Variants in KCNK6 observed in about 807,000 individuals in gnomAD.
KCNK6 encodes potassium two pore domain channel subfamily K member 6.
In KCNK6, 20 loss-of-function variants were observed where a neutral mutation model predicts 21.9. The observed-to-expected ratio is 0.91, with a 90% confidence interval of 0.64 to 1.32. The LOEUF is 1.32. KCNK6 is among the 40% of genes most tolerant of loss of function. KCNK6 has a pLI of 0.00. For missense variants in KCNK6, 415 were observed against 433.1 expected, an observed-to-expected ratio of 0.96 and a Z score of 0.37; for synonymous variants, 210 against 218.0, an observed-to-expected ratio of 0.96 and a Z score of 0.32.
Position 38,325,424 on chromosome 19 carries a change from GC to G in KCNK6, c.323-1166del, listed in dbSNP as rs1969697889. 2.5e-5 allele frequency: 25 copies of G among 985,378 alleles called. No homozygotes were observed. In the South Asian group the frequency reaches 9.9e-4, roughly 39 times the overall value. 61.0% of individuals were successfully genotyped at this position (985,378 alleles called of 1,614,324 possible). A position where few individuals can be genotyped will look rare whatever the true frequency, so the allele number is the denominator to read the frequency against. On this transcript the variant is annotated intron_variant, in intron 1 of 2. Coordinates refer to ENST00000263372, the MANE Select transcript of KCNK6 (RefSeq NM_004823.3). The stretch of plus-strand genomic sequence containing the variant: ...GCCACCACGCCTGGCCCATTGTCTC[GC>G]CCATTTTAGAATAGGGCAAGCTGAG...
Position 38,331,626 on chromosome 19 carries a change from GAAAAAAA to G in KCNK6, c.*4231_*4237del, listed in dbSNP as rs368082959. On this transcript the variant is annotated 3_prime_UTR_variant, in exon 3 of 3. Transcript: ENST00000263372. ...GGAGACAGAGCGAGACTCCGTCTCA[GAAAAAAA>G]AAAAAAAGAAAAAAGTGTGTGCTAA... is the stretch of plus-strand genomic sequence containing the variant. The G allele has an allele frequency of 7.8e-6, 1 of 128,530 alleles. No individual in the cohort carries two copies. The highest frequency in any genetic ancestry group is 1.7e-5 in the Non-Finnish European group (1 of 59,758). 8.0% of individuals were successfully genotyped at this position (128,530 alleles called of 1,614,324 possible). A position where few individuals can be genotyped will look rare whatever the true frequency, so the allele number is the denominator to read the frequency against.
intron 1 of KCNK6, among the ~76,000 whole-genome samples, chr19:38,323,178 T>C (rs1969671069): frequency 6.6e-6 from 1 of 152,138 alleles, no homozygotes; most frequent in South Asian, 2.1e-4. Flanking sequence ...GGGTGGCTTG[T>C]AGGATTCTTG....
intron 1 of KCNK6, chr19:38,324,976 A>C (rs1273963611): frequency 6.6e-6 from 1 of 151,878 alleles, no homozygotes; most frequent in Non-Finnish European, 1.5e-5. Flanking sequence ...TTAAGGGTAC[A>C]GTTCTGTGAC....
At chr19:38,320,891 C>T (rs893496861) in intron 1 of KCNK6, among the ~76,000 whole-genome samples, 1 of 152,094 alleles carries the variant, frequency 6.6e-6, no homozygotes. Context: ...CTTGGTGACC[C>T]GGGTCTGTCC....
At chr19:38,323,762 T>C (rs577408769) in intron 1 of KCNK6, among the ~76,000 whole-genome samples, 3 of 152,294 alleles carry the variant, frequency 2.0e-5, no homozygotes, top group African/African-American at 7.2e-5. Flanking sequence ...TTTTTTTATT[T>C]TTTATTTTTT....
intron 1 of KCNK6, among the ~76,000 whole-genome samples, chr19:38,320,760 T>C (rs1969642639): frequency 6.6e-6 from 1 of 152,086 alleles, no homozygotes; most frequent in South Asian, 2.1e-4. Context: ...AGTTTCACCA[T>C]GTTGGCCAGG....
At chr19:38,327,146 C>G in intron 2 of KCNK6, 34 bp from the exon 3 acceptor site, 1 of 1,604,146 alleles carries the variant, frequency 6.2e-7, no homozygotes, top group Non-Finnish European at 8.5e-7. Flanking sequence ...ATCTGAGCCC[C>G]AGGATGACCA....
At chr19:38,325,450 G>T in intron 1 of KCNK6, 1 of 985,446 alleles carries the variant, frequency 1.0e-6, no homozygotes, top group Non-Finnish European at 1.2e-6. Context: ...GGCAAGCTGA[G>T]GCTCAGAGCC....
At position 38,320,102 on chromosome 19, in the gene KCNK6, G is replaced by C. The variant is rs1044102944; in HGVS notation, c.152G>C (p.Ser51Thr). The C allele has an allele frequency of 6.4e-7, 1 of 1,564,278 alleles. No individual in the cohort carries two copies. Among genetic ancestry groups the C allele is most frequent in the African/African-American group, 1.4e-5 (1 of 73,272 alleles). Residue 51 changes from serine (S) to threonine (T), a missense_variant, in exon 1 of 3, where the codon AGC becomes ACC. By Grantham distance (58) the Ser-to-Thr change is moderately conservative. Coordinates refer to ENST00000263372, the MANE Select transcript of KCNK6 (RefSeq NM_004823.3). ...ETLRAQLLQRSPCVAAPALDA... is the reference protein window; with the variant it reads ...ETLRAQLLQRTPCVAAPALDA... ...CTGCGGGCGCAGCTGCTTCAGCGCA[G>C]CCCGTGTGTGGCTGCCCCCGCCCTG...
Position 38,326,767 on chromosome 19 carries a change from G to A in KCNK6, c.497G>A (p.Arg166Gln), listed in dbSNP as rs138357652. The A allele has an allele frequency of 4.4e-6, 7 of 1,604,444 alleles. No individual in the cohort carries two copies. The highest frequency in any genetic ancestry group is 5.1e-6 in the Non-Finnish European group (6 of 1,179,974). ...AGCATGCGTTGGGGCTGGGACCCCC[G>A]GCGGGCGGCCTGCTGGCACTTGGTG... The part of the protein sequence containing the change: ...WLSMRWGWDP[R>Q]RAACWHLVAL... The change falls in exon 2 of 3, where the codon CGG (arginine) becomes CAG (glutamine). Residue 166 changes from arginine to glutamine, a missense_variant. By Grantham distance (43) the Arg-to-Gln change is conservative. Coordinates refer to ENST00000263372, the MANE Select transcript of KCNK6 (RefSeq NM_004823.3).
intron 1 of KCNK6, 65 bp downstream of exon 1, chr19:38,320,337 G>C: frequency 6.5e-7 from 1 of 1,549,236 alleles, no homozygotes; most frequent in South Asian, 1.1e-5. Flanking sequence ...TTAACCCCTG[G>C]GGACCCCGGG....
chr19:38,320,158 G>A lies in KCNK6; in HGVS notation c.208G>A (p.Gly70Arg), dbSNP rs1297258499. 6.3e-7 allele frequency: 1 copy of A among 1,597,034 alleles called. No individual in the cohort carries two copies. The highest frequency in any genetic ancestry group is 1.1e-5 in the South Asian group (1 of 90,756). Reference sequence around the variant, plus strand: ...CTTCGTGGAGCGAGTGCTGGCGGCCGGACGGCTGGGGCGGGTCGTGCTTGC... The same window carrying A: ...CTTCGTGGAGCGAGTGCTGGCGGCCAGACGGCTGGGGCGGGTCGTGCTTGC... ...DAFVERVLAA[G>R]RLGRVVLANA... The change falls in exon 1 of 3, where the codon GGA becomes AGA. Residue 70 changes from glycine to arginine, a missense_variant. Transcript: ENST00000263372.
rs766924062 is a variant in KCNK6 at position 38,320,122 on chromosome 19, G to A, written c.172G>A (p.Ala58Thr). The part of the protein sequence containing the change: ...LQRSPCVAAP[A>T]LDAFVERVLA... ...GCGCAGCCCGTGTGTGGCTGCCCCCGCCCTGGACGCCTTCGTGGAGCGAGT... is the reference window on the plus strand; with the variant it reads ...GCGCAGCCCGTGTGTGGCTGCCCCCACCCTGGACGCCTTCGTGGAGCGAGT... Residue 58 changes from alanine (A) to threonine (T), a missense_variant, in exon 1 of 3, where the codon GCC becomes ACC. By Grantham distance (58) the Ala-to-Thr change is moderately conservative (BLOSUM62 0). Transcript: ENST00000263372. The A allele has an allele frequency of 3.8e-6, 6 of 1,583,318 alleles. No homozygotes were observed. In the Admixed American group the frequency reaches 8.7e-5, roughly 23 times the overall value.
rs1263130851 is a variant in KCNK6, at chr19:38,330,065, T to G, written c.*2662T>G. The G allele has an allele frequency of 6.6e-6, 1 of 152,428 alleles. No homozygotes were observed. Among genetic ancestry groups the G allele is most frequent in the African/African-American group, 2.4e-5 (1 of 41,442 alleles). The allele number at this position is 152,428 out of a possible 1,614,324, so 9.4% of individuals were successfully genotyped here. A position where few individuals can be genotyped will look rare whatever the true frequency, so the allele number is the denominator to read the frequency against. The stretch of plus-strand genomic sequence containing the variant: ...GGTCATAGGGGGCAGGCCAGGTGGC[T>G]CACGCCTGTAATCCCAGCACTTTGT... On this transcript the variant is annotated 3_prime_UTR_variant, in exon 3 of 3. Transcript: ENST00000263372.
intron 1 of KCNK6, among the ~76,000 whole-genome samples, chr19:38,321,122 C>T (rs1352309384): frequency 6.6e-6 from 1 of 152,216 alleles, no homozygotes; most frequent in African/African-American, 2.4e-5. Flanking sequence ...TCTCAACCTC[C>T]TCCTGACCCT....
At chr19:38,322,895 C>T (rs1969667427) in intron 1 of KCNK6, among the ~76,000 whole-genome samples, 1 of 151,974 alleles carries the variant, frequency 6.6e-6, no homozygotes, top group African/African-American at 2.4e-5. Context: ...GGCGGATCAC[C>T]TGAGGTTAGG....
intron 1 of KCNK6, among the ~76,000 whole-genome samples, chr19:38,320,603 G>A (rs1969640614): frequency 6.6e-6 from 1 of 151,586 alleles, no homozygotes; most frequent in African/African-American, 2.4e-5. Flanking sequence ...CTGTCGCCCA[G>A]GCTGGAGTGC....
chr19:38,331,828 T>C lies in KCNK6; in HGVS notation c.*4425T>C, dbSNP rs2145047941. ...TCTACACAAGTAGTACCTAATATGG[T>C]GAGGTTGTTATGATTACAGACTCTG... is the stretch of plus-strand genomic sequence containing the variant. On this transcript the variant is annotated 3_prime_UTR_variant, in exon 3 of 3. Transcript: ENST00000263372. 1 of 152,314 alleles carries C rather than the reference T, an allele frequency of 6.6e-6. No individual in the cohort carries two copies. The highest frequency in any genetic ancestry group is 1.5e-5 in the Non-Finnish European group (1 of 68,034). 9.4% of individuals were successfully genotyped at this position (152,314 alleles called of 1,614,324 possible).
chr19:38,325,462 G>A (rs1969698097), intron 1 of KCNK6: 3 of 985,404 alleles, frequency 3.0e-6, no homozygotes, highest in Non-Finnish European at 1.2e-6. Context: ...CTCAGAGCCA[G>A]GCAAGAGCCT....
Sources: allele counts gnomAD v4.1 joint callset (sites outside exome capture counted in the v4.1 genomes callset), GRCh38; gene constraint gnomAD v4.1.1; transcripts MANE v1.5; gene names NCBI Gene and HGNC (gene_info 2026-07-23, HGNC 2026-07-21).